TJP1: variants seen among roughly 807,000 people sequenced by gnomAD.
The protein encoded by TJP1 is tight junction protein 1.
A neutral mutation model predicts 194.2 loss-of-function variants in TJP1; 43 were observed. That is an observed-to-expected ratio of 0.22 (90% CI 0.17 to 0.29). The LOEUF (loss-of-function observed/expected upper bound fraction) is 0.29, where lower values mean the gene tolerates loss of function less well. Among genes scored for constraint, TJP1 ranks in the 10% least tolerant of loss-of-function variants. The pLI is 1.00. For synonymous variants in TJP1, 801 were observed against 779.0 expected, an observed-to-expected ratio of 1.03 and a Z score of -0.47; for missense variants, 1,971 against 2,185.7, an observed-to-expected ratio of 0.90 and a Z score of 1.96.
intron 4 of TJP1, among the ~76,000 whole-genome samples, chr15:29,771,677 C>T (rs1298266709): frequency 6.6e-6 from 1 of 151,898 alleles, no homozygotes; most frequent in Non-Finnish European, 1.5e-5. Flanking sequence ...TGGTGTCAAG[C>T]GCCTGTAGTC....
Position 29,708,791 on chromosome 15 carries a change from C to T in TJP1, c.4618G>A (p.Glu1540Lys). The T allele has an allele frequency of 6.2e-7, 1 of 1,614,190 alleles. No individual in the cohort carries two copies. Among genetic ancestry groups the T allele is most frequent in the Non-Finnish European group, 8.5e-7 (1 of 1,180,044 alleles). ...AATTTAGGACTTTCAAACTTGCGTT[C>T]AAATGGTCGGGCAGAACTTGTATAT... ...KPYTSSARPF[E>K]RKFESPKFNH... Residue 1540 changes from glutamate to lysine, a missense_variant, in exon 25 of 28, where the codon GAA becomes AAA. By Grantham distance (56) the Glu-to-Lys change is moderately conservative (BLOSUM62 1). Around this residue, in one of 5 missense-constraint regions of TJP1, gnomAD observed 1,108 missense variants for 1,128.5 expected, o/e 0.98. Transcript: ENST00000614355.
At chr15:29,793,829 C>T (rs1383645361) in intron 2 of TJP1, among the ~76,000 whole-genome samples, 1 of 152,172 alleles carries the variant, frequency 6.6e-6, no homozygotes, top group African/African-American at 2.4e-5. Flanking sequence ...GTTGAACCAT[C>T]CTTGCATCCC....
At chr15:29,702,600 C>A (rs957166126) in intron 27 of TJP1, among the ~76,000 whole-genome samples, 1 of 152,116 alleles carries the variant, frequency 6.6e-6, no homozygotes, top group African/African-American at 2.4e-5. Flanking sequence ...GCTAAATATT[C>A]CACGACGAAC....
At position 29,700,508 on chromosome 15, in the gene TJP1, C is replaced by A; in HGVS notation, c.*1087G>T. The A allele has an allele frequency of 2.5e-6, 1 of 398,636 alleles. No individual in the cohort carries two copies. The highest frequency in any genetic ancestry group is 1.3e-4 in the South Asian group (1 of 7,742). The allele number at this position is 398,636 out of a possible 1,614,324, so 24.7% of individuals were successfully genotyped here. ...AACGCTGCTTTATTGCTGCAGAGGT[C>A]AAAGTTCAAGGCTCAAGAGGTACAG... On this transcript the variant is annotated 3_prime_UTR_variant, in exon 28 of 28. Coordinates refer to ENST00000614355, the MANE Select transcript of TJP1 (RefSeq NM_001330239.4).
At chr15:29,818,550 G>A (rs926945586) in intron 1 of TJP1, among the ~76,000 whole-genome samples, 1 of 152,170 alleles carries the variant, frequency 6.6e-6, no homozygotes, top group Non-Finnish European at 1.5e-5. Context: ...TGTCGCCCAG[G>A]ATGGAGTGCA....
At chr15:29,759,105 C>A (rs546488387) in intron 8 of TJP1, 1 of 152,320 alleles carries the variant, frequency 6.6e-6, no homozygotes, top group Admixed American at 6.5e-5. Context: ...AAAGCTCTCT[C>A]CTGGCTAGGT....
chr15:29,743,685 C>G (rs138784535), intron 8 of TJP1, among the ~76,000 whole-genome samples: 8 of 152,196 alleles, frequency 5.3e-5, no homozygotes, highest in African/African-American at 1.9e-4. Flanking sequence ...TATGATAGAG[C>G]CACTACACTC....
chr15:29,892,909 A>C (rs2053358862), intron 2 of TJP1, among the ~76,000 whole-genome samples: 1 of 152,224 alleles, frequency 6.6e-6, no homozygotes, highest in South Asian at 2.1e-4. Flanking sequence ...GAGTAATTTC[A>C]ATTTTTGAGT....
intron 2 of TJP1, among the ~76,000 whole-genome samples, chr15:29,838,395 A>C (rs2051107778): frequency 1.3e-5 from 2 of 152,322 alleles, no homozygotes; most frequent in South Asian, 4.1e-4. Flanking sequence ...ACCGCACTCC[A>C]GCCTGGGTGA....
chr15:29,723,699 T>A (rs959944137), intron 18 of TJP1, among the ~76,000 whole-genome samples: 2 of 152,230 alleles, frequency 1.3e-5, no homozygotes, highest in African/African-American at 4.8e-5. Flanking sequence ...AGAAACAGTA[T>A]CCAACAGATG....
chr15:29,949,835 ACCT>A (rs2055578523), intron 2 of TJP1, among the ~76,000 whole-genome samples: 1 of 46,232 alleles, frequency 2.2e-5, no homozygotes, highest in Non-Finnish European at 3.8e-5. Context: ...CACCACCACC[ACCT>A]CCACAACCAC....
At chr15:29,965,235 A>T (rs2056293601) in intron 1 of TJP1, among the ~76,000 whole-genome samples, 1 of 144,202 alleles carries the variant, frequency 6.9e-6, no homozygotes, top group Admixed American at 6.8e-5. Flanking sequence ...TTTGAGATGG[A>T]GTCTTGCTCT....
intron 2 of TJP1, among the ~76,000 whole-genome samples, chr15:29,911,570 C>A (rs772482879): frequency 8.5e-5 from 13 of 152,082 alleles, no homozygotes; most frequent in Non-Finnish European, 1.8e-4. Flanking sequence ...ACATGGCCAG[C>A]AGGAGAGAGC....
chr15:29,841,204 A>G (rs148152500), intron 2 of TJP1, among the ~76,000 whole-genome samples: 33 of 152,286 alleles, frequency 2.2e-4, no homozygotes, highest in African/African-American at 7.7e-4. Context: ...AGCAAATGTG[A>G]AAGGCTAGGG....
At chr15:29,905,212 G>A (rs2053767049) in intron 2 of TJP1, among the ~76,000 whole-genome samples, 1 of 152,160 alleles carries the variant, frequency 6.6e-6, no homozygotes, top group Non-Finnish European at 1.5e-5. Flanking sequence ...AACAGCCTTT[G>A]GGAAAAATAA....
At chr15:29,798,843 T>TA (rs1489424597) in intron 2 of TJP1, among the ~76,000 whole-genome samples, 2 of 152,134 alleles carry the variant, frequency 1.3e-5, no homozygotes, top group African/African-American at 4.8e-5. Context: ...AAACTACTGA[T>TA]AGAGTAACAT....
At chr15:29,734,415 C>CCAAGAA in intron 11 of TJP1, 33 bp from the exon 12 acceptor site, 1 of 1,499,476 alleles carries the variant, frequency 6.7e-7, no homozygotes, top group Non-Finnish European at 9.2e-7. Context: ...TCATTCTTGG[C>CCAAGAA]TGTTTAAGAA....
intron 1 of TJP1, among the ~76,000 whole-genome samples, chr15:29,802,672 A>C (rs994707414): frequency 6.6e-6 from 1 of 152,104 alleles, no homozygotes; most frequent in Non-Finnish European, 1.5e-5. Context: ...GCTAAACATC[A>C]ACAGTCCCAC....
chr15:29,925,805 A>G (rs1416410978), intron 2 of TJP1, among the ~76,000 whole-genome samples: 3 of 152,192 alleles, frequency 2.0e-5, no homozygotes, highest in Admixed American at 6.5e-5. Flanking sequence ...GTAAAGTTCA[A>G]CGCTTTTCAT....
Sources: allele counts gnomAD v4.1 joint callset (sites outside exome capture counted in the v4.1 genomes callset), GRCh38; gene constraint gnomAD v4.1.1; regional missense constraint gnomAD v4.1.1; transcripts MANE v1.5; gene names NCBI Gene and HGNC (gene_info 2026-07-23, HGNC 2026-07-21).